Variants in FNDC3B observed in about 807,000 individuals in gnomAD.
FNDC3B encodes fibronectin type III domain containing 3B.
FNDC3B carries 12 observed loss-of-function variants against 151.5 expected under a neutral mutation model. The observed-to-expected ratio is 0.08, with a 90% CI of 0.05 to 0.13. The LOEUF is 0.13. Among genes scored for constraint, FNDC3B ranks in the 10% least tolerant of loss-of-function variants. FNDC3B has a pLI of 1.00. For missense variants in FNDC3B, 1,214 were observed against 1,505.3 expected (o/e 0.81, Z 3.20); for synonymous variants, 528 against 549.0 (o/e 0.96, Z 0.54).
chr3:172,104,496 T>A (rs1379779503), intron 1 of FNDC3B, among the ~76,000 whole-genome samples: 1 of 152,006 alleles, frequency 6.6e-6, no homozygotes, highest in Non-Finnish European at 1.5e-5. Context: ...TTTTTTGTGC[T>A]ACTTAATTTG....
At chr3:172,296,248 G>A (rs1202604379) in intron 8 of FNDC3B, among the ~76,000 whole-genome samples, 1 of 152,200 alleles carries the variant, frequency 6.6e-6, no homozygotes. Context: ...CCCGTGCCCA[G>A]GGTAATAATG....
chr3:172,222,208 A>G (rs1560025164), intron 3 of FNDC3B, among the ~76,000 whole-genome samples: 1 of 152,240 alleles, frequency 6.6e-6, no homozygotes, highest in Non-Finnish European at 1.5e-5. Context: ...GACAAGCACA[A>G]TAATTCTATG....
intron 3 of FNDC3B, chr3:172,184,413 C>A (rs970317221): frequency 1.3e-5 from 2 of 151,952 alleles, no homozygotes; most frequent in Admixed American, 1.3e-4. Context: ...TGCTTTCTGG[C>A]AAAACTTATA....
chr3:172,342,199 C>T (rs1303509087), intron 17 of FNDC3B, among the ~76,000 whole-genome samples: 2 of 152,130 alleles, frequency 1.3e-5, no homozygotes, highest in Non-Finnish European at 2.9e-5. Flanking sequence ...TCTAGACTGC[C>T]CATGTAGACA....
intron 6 of FNDC3B, among the ~76,000 whole-genome samples, chr3:172,256,804 T>C (rs1728365957): frequency 6.6e-6 from 1 of 152,178 alleles, no homozygotes; most frequent in Non-Finnish European, 1.5e-5. Context: ...AAAGCTTTGA[T>C]GAGGATCCAC....
chr3:172,356,416 A>G (rs1445685687), intron 22 of FNDC3B, among the ~76,000 whole-genome samples: 1 of 152,260 alleles, frequency 6.6e-6, no homozygotes, highest in Non-Finnish European at 1.5e-5. Flanking sequence ...CACATAGTAA[A>G]TAAATAATCA....
intron 4 of FNDC3B, among the ~76,000 whole-genome samples, chr3:172,233,256 A>G (rs2108750551): frequency 6.6e-6 from 1 of 152,338 alleles, no homozygotes; most frequent in Middle Eastern, 3.4e-3. Context: ...ATGTTCTATC[A>G]TTTGGGAAAC....
At chr3:172,321,189 G>A (rs1732062588) in intron 11 of FNDC3B, among the ~76,000 whole-genome samples, 1 of 152,130 alleles carries the variant, frequency 6.6e-6, no homozygotes, top group Non-Finnish European at 1.5e-5. Context: ...TGACTCCTGT[G>A]GTTTTAGGCT....
At chr3:172,075,337 G>A (rs1052869033) in intron 1 of FNDC3B, among the ~76,000 whole-genome samples, 1 of 152,108 alleles carries the variant, frequency 6.6e-6, no homozygotes, top group Non-Finnish European at 1.5e-5. Flanking sequence ...TGATATTCTA[G>A]TCCTGGTTCT....
chr3:172,264,219 C>T (rs1728803807), intron 6 of FNDC3B, among the ~76,000 whole-genome samples: 1 of 152,166 alleles, frequency 6.6e-6, no homozygotes, highest in Admixed American at 6.5e-5. Context: ...TGGTCTCGAA[C>T]TCCTTGGGCT....
At chr3:172,211,088 C>T (rs1390262120) in intron 3 of FNDC3B, among the ~76,000 whole-genome samples, 1 of 152,084 alleles carries the variant, frequency 6.6e-6, no homozygotes, top group Non-Finnish European at 1.5e-5. Context: ...TTTCATATGA[C>T]AATATACACA....
At chr3:172,252,976 G>A (rs917345463) in intron 6 of FNDC3B, among the ~76,000 whole-genome samples, 57 of 152,096 alleles carry the variant, frequency 3.7e-4, no homozygotes, top group Non-Finnish European at 1.5e-4. Flanking sequence ...TAGTTTATTA[G>A]CAATGTTACA....
intron 2 of FNDC3B, among the ~76,000 whole-genome samples, chr3:172,120,985 A>C (rs562588961): frequency 6.6e-6 from 1 of 152,130 alleles, no homozygotes; most frequent in South Asian, 2.1e-4. Context: ...CAACAACAAC[A>C]ACCCAGAAGA....
chr3:172,334,822 G>C (rs1732866992), intron 14 of FNDC3B, 122 bp from the exon 15 acceptor site: 2 of 821,996 alleles, frequency 2.4e-6, no homozygotes, highest in African/African-American at 1.7e-5. Context: ...AGTTGAAAGA[G>C]AAAAAAATGT....
At chr3:172,075,950 C>T (rs911724263) in intron 1 of FNDC3B, among the ~76,000 whole-genome samples, 3 of 152,122 alleles carry the variant, frequency 2.0e-5, no homozygotes, top group African/African-American at 7.2e-5. Context: ...CATAGCAACC[C>T]AGAACACATT....
intron 11 of FNDC3B, among the ~76,000 whole-genome samples, chr3:172,323,612 A>G (rs1054920202): frequency 3.3e-5 from 5 of 152,216 alleles, no homozygotes; most frequent in African/African-American, 4.8e-5. Context: ...GATTATAATC[A>G]CATCTTGGAG....
At chr3:172,141,146 C>T (rs201172686) in intron 3 of FNDC3B, among the ~76,000 whole-genome samples, 2,271 of 51,000 alleles carry the variant, frequency 0.045, 66 homozygotes, top group African/African-American at 0.27. Flanking sequence ...ACTGATTTTT[C>T]CCCCCCCTAA....
At chr3:172,316,681 G>A (rs912006264) in intron 11 of FNDC3B, among the ~76,000 whole-genome samples, 13 of 152,230 alleles carry the variant, frequency 8.5e-5, no homozygotes, top group African/African-American at 2.9e-4. Context: ...TGGTGCTGCT[G>A]CAGCTGTCAG....
chr3:172,232,841 C>T (rs1159237728), intron 4 of FNDC3B, among the ~76,000 whole-genome samples: 2 of 152,202 alleles, frequency 1.3e-5, no homozygotes, highest in Non-Finnish European at 2.9e-5. Context: ...TATTTCACCA[C>T]ATATGTGAAC....
Sources: gnomAD v4.1 joint callset for allele counts (sites outside exome capture counted in the v4.1 genomes callset) on GRCh38, gnomAD v4.1.1 for gene constraint, MANE v1.5 for transcripts, NCBI Gene and HGNC (gene_info 2026-07-23, HGNC 2026-07-21) for gene names.